The following MBD5 variants were observed in gnomAD, a reference collection of about 807,000 sequenced individuals.
MBD5 encodes the protein methyl-CpG-binding domain protein 5.
A neutral mutation model predicts 117.3 loss-of-function variants in MBD5; 13 were observed. That is an observed-to-expected ratio of 0.11 (90% CI 0.07 to 0.18). The LOEUF (loss-of-function observed/expected upper bound fraction) is 0.18. Ranked by LOEUF, MBD5 falls within the 10% of genes least tolerant of loss-of-function variation. MBD5 has a pLI of 1.00. For synonymous variants in MBD5, 727 were observed against 766.4 expected, an observed-to-expected ratio of 0.95 and a Z score of 0.85; for missense variants, 1,879 against 2,093.8, an observed-to-expected ratio of 0.90 and a Z score of 2.00.
intron 1 of MBD5, among the ~76,000 whole-genome samples, chr2:148,167,100 A>G (rs1260747756): frequency 1.3e-5 from 2 of 152,164 alleles, no homozygotes; most frequent in Admixed American, 6.6e-5. Flanking sequence ...ATCTTTGCAT[A>G]TAAGCAGTTT....
chr2:148,121,677 T>G (rs751938375), intron 1 of MBD5, among the ~76,000 whole-genome samples: 8 of 152,136 alleles, frequency 5.3e-5, no homozygotes, highest in Non-Finnish European at 1.0e-4. Context: ...GTCCTGGTTT[T>G]GATATGTAGT....
chr2:148,083,009 C>T (rs1297136564), intron 1 of MBD5, among the ~76,000 whole-genome samples: 2 of 152,114 alleles, frequency 1.3e-5, no homozygotes, highest in Non-Finnish European at 2.9e-5. Context: ...TTGGCATTTG[C>T]CCAAAGTCAT....
chr2:148,045,552 T>C (rs1694499176), intron 1 of MBD5, among the ~76,000 whole-genome samples: 1 of 152,184 alleles, frequency 6.6e-6, no homozygotes, highest in African/African-American at 2.4e-5. Context: ...GTGAGGTAGG[T>C]CTTTTTATGC....
intron 2 of MBD5, among the ~76,000 whole-genome samples, chr2:148,228,923 G>T (rs1475160012): frequency 6.6e-6 from 1 of 152,092 alleles, no homozygotes; most frequent in East Asian, 1.9e-4. Context: ...TTCTCTGATG[G>T]TAGTTTGTAT....
At chr2:148,107,298 G>C (rs944644560) in intron 1 of MBD5, among the ~76,000 whole-genome samples, 2 of 151,938 alleles carry the variant, frequency 1.3e-5, no homozygotes, top group Non-Finnish European at 2.9e-5. Flanking sequence ...GTTTCCCTTT[G>C]AGATCTTTTA....
rs35925701 is a variant in MBD5 at position 148,060,132 on chromosome 2, CAAAAAAAAAAAAAAAAA to C, written c.-925+38462_-925+38478del. Among the ~76,000 whole-genome samples the C allele has an allele frequency of 4.3e-4, 6 of 14,042 alleles. No individual in the cohort carries two copies. In the South Asian group the frequency reaches 0.025, roughly 58 times the overall value. 9.2% of individuals were successfully genotyped at this position (14,042 alleles called of 152,430 possible). On this transcript the variant is annotated intron_variant, in intron 1 of 13. Coordinates refer to ENST00000642680, the MANE Select transcript of MBD5 (RefSeq NM_001378120.1). Reference sequence around the variant, plus strand: ...TGAAACCCTGTCTCTACAAAAAGTGCAAAAAAAAAAAAAAAAAAAAAAAAAAAAAAGCCAGGCATGGT... The same window carrying C: ...TGAAACCCTGTCTCTACAAAAAGTGCAAAAAAAAAAAAAGCCAGGCATGGT...
At chr2:148,292,513 T>C (rs1001724443) in intron 3 of MBD5, among the ~76,000 whole-genome samples, 25 of 152,124 alleles carry the variant, frequency 1.6e-4, no homozygotes, top group African/African-American at 5.8e-4. Context: ...GAGACTACAA[T>C]GAGATATCCT....
intron 3 of MBD5, among the ~76,000 whole-genome samples, chr2:148,266,583 A>T (rs1216093577): frequency 6.6e-6 from 1 of 152,064 alleles, no homozygotes; most frequent in Non-Finnish European, 1.5e-5. Flanking sequence ...GCAAGACAGA[A>T]CTGTTATTAT....
intron 3 of MBD5, among the ~76,000 whole-genome samples, chr2:148,300,928 T>C (rs1701765331): frequency 6.6e-6 from 1 of 152,258 alleles, no homozygotes; most frequent in African/African-American, 2.4e-5. Context: ...TTCCAGACAG[T>C]AGCATTGCAT....
chr2:148,398,561 CAG>C (rs1320811418), intron 4 of MBD5, among the ~76,000 whole-genome samples: 1 of 152,094 alleles, frequency 6.6e-6, no homozygotes, highest in Admixed American at 6.5e-5. Flanking sequence ...AGCCCTTTGT[CAG>C]ATGAGTAGAT....
chr2:148,450,461 C>T (rs1263823349), intron 4 of MBD5, among the ~76,000 whole-genome samples: 1 of 152,116 alleles, frequency 6.6e-6, no homozygotes, highest in African/African-American at 2.4e-5. Context: ...TAAGTCTGGG[C>T]CCAGCTCTAG....
intron 1 of MBD5, among the ~76,000 whole-genome samples, chr2:148,049,484 C>CTGTT: frequency 6.6e-6 from 1 of 152,260 alleles, no homozygotes; most frequent in African/African-American, 2.4e-5. Flanking sequence ...TGAGTAATTA[C>CTGTT]TGTTTACCTA....
Position 148,066,176 on chromosome 2 carries a change from T to A in MBD5, c.-925+44492T>A, listed in dbSNP as rs115064725. ...AAAAAATGAGCCGAGCATGGTGTTGTGCGCCTGTCATCGCAGCTACTTGGA... is the reference window on the plus strand; with the variant it reads ...AAAAAATGAGCCGAGCATGGTGTTGAGCGCCTGTCATCGCAGCTACTTGGA... On this transcript the variant is annotated intron_variant, in intron 1 of 13. Transcript: ENST00000642680. Among the ~76,000 whole-genome samples, 503 of 152,126 alleles carry A rather than the reference T, an allele frequency of 3.3e-3. 1 individual carries two copies. Among genetic ancestry groups the A allele is most frequent in the African/African-American group, 0.012 (479 of 41,500 alleles).
At chr2:148,495,161 G>T (rs979332568) in intron 11 of MBD5, among the ~76,000 whole-genome samples, 2 of 152,078 alleles carry the variant, frequency 1.3e-5, no homozygotes, top group Non-Finnish European at 2.9e-5. Flanking sequence ...AGATCTTGGC[G>T]TAATGTTAGG....
intron 3 of MBD5, among the ~76,000 whole-genome samples, chr2:148,279,456 A>G (rs1332763003): frequency 6.6e-6 from 1 of 152,152 alleles, no homozygotes; most frequent in Non-Finnish European, 1.5e-5. Flanking sequence ...AAGCAAAACC[A>G]TCTGAGTTTC....
At chr2:148,220,756 T>TTTTTTTGTAAAAA (rs1364554935) in intron 2 of MBD5, among the ~76,000 whole-genome samples, 2 of 152,164 alleles carry the variant, frequency 1.3e-5, no homozygotes. Flanking sequence ...ACAATCAAAT[T>TTTTTTTGTAAAAA]ATACTTTTAG....
chr2:148,511,250 A>G (rs1022767222), intron 13 of MBD5, among the ~76,000 whole-genome samples: 1 of 152,250 alleles, frequency 6.6e-6, no homozygotes, highest in South Asian at 2.1e-4. Context: ...CTGGAAGCTC[A>G]TTCTGTTGAC....
intron 2 of MBD5, among the ~76,000 whole-genome samples, chr2:148,200,756 A>G (rs2105952938): frequency 6.6e-6 from 1 of 152,054 alleles, no homozygotes; most frequent in East Asian, 1.9e-4. Flanking sequence ...CATTATACGT[A>G]TACTGATGAC....
At chr2:148,170,426 ATT>A (rs888549843) in intron 1 of MBD5, among the ~76,000 whole-genome samples, 2 of 152,236 alleles carry the variant, frequency 1.3e-5, no homozygotes, top group African/African-American at 4.8e-5. Flanking sequence ...TACTGAAGAA[ATT>A]TGGAATCTTT....
Sources: gnomAD v4.1 joint callset for allele counts (sites outside exome capture counted in the v4.1 genomes callset) on GRCh38, gnomAD v4.1.1 for gene constraint, MANE v1.5 for transcripts, NCBI Gene and HGNC (gene_info 2026-07-23, HGNC 2026-07-21) for gene names.